Variants in CRIM1 observed in about 807,000 individuals in gnomAD.
CRIM1 encodes cysteine-rich motor neuron 1 protein.
A neutral mutation model predicts 116.4 loss-of-function variants in CRIM1; 32 were observed. That is an observed-to-expected ratio of 0.27 (90% CI 0.21 to 0.37). The LOEUF (loss-of-function observed/expected upper bound fraction) is 0.37, where lower values mean the gene tolerates loss of function less well. CRIM1 is among the 10% of genes least tolerant of loss of function. CRIM1 has a pLI of 1.00. For missense variants in CRIM1, 1,331 were observed against 1,354.8 expected, an observed-to-expected ratio of 0.98 and a Z score of 0.28; for synonymous variants, 590 against 509.2, an observed-to-expected ratio of 1.16 and a Z score of -2.13.
At chr2:36,400,050 G>T (rs1297622303) in intron 2 of CRIM1, among the ~76,000 whole-genome samples, 1 of 152,134 alleles carries the variant, frequency 6.6e-6, no homozygotes, top group Admixed American at 6.6e-5. Flanking sequence ...AGAGGTAGCC[G>T]GTTGGGTATT....
At chr2:36,546,317 G>A (rs534265120) in intron 15 of CRIM1, among the ~76,000 whole-genome samples, 4 of 152,058 alleles carry the variant, frequency 2.6e-5, no homozygotes, top group Non-Finnish European at 2.9e-5. Context: ...TATTTTAAAA[G>A]AACATAAAGG....
chr2:36,474,163 AG>A (rs1404071422), intron 5 of CRIM1, among the ~76,000 whole-genome samples: 5 of 151,672 alleles, frequency 3.3e-5, no homozygotes, highest in African/African-American at 1.2e-4. Context: ...GTCTGTTCAA[AG>A]GTTTGCCCGT....
At chr2:36,365,387 C>T (rs913324552) in intron 1 of CRIM1, among the ~76,000 whole-genome samples, 3 of 152,146 alleles carry the variant, frequency 2.0e-5, no homozygotes, top group Non-Finnish European at 4.4e-5. Flanking sequence ...TTGGAGACCC[C>T]AAGGATATAG....
intron 5 of CRIM1, among the ~76,000 whole-genome samples, chr2:36,468,846 T>G (rs979978840): frequency 2.0e-5 from 3 of 152,198 alleles, no homozygotes; most frequent in African/African-American, 4.8e-5. Context: ...ATTATTTGGT[T>G]TCTTAGATAC....
At chr2:36,453,750 G>A (rs191151888) in intron 4 of CRIM1, among the ~76,000 whole-genome samples, 33 of 152,338 alleles carry the variant, frequency 2.2e-4, no homozygotes, top group African/African-American at 7.5e-4. Context: ...TGCTTTGGTA[G>A]TAGAAGTGTG....
At chr2:36,483,529 C>G (rs996337417) in intron 7 of CRIM1, among the ~76,000 whole-genome samples, 4 of 152,134 alleles carry the variant, frequency 2.6e-5, no homozygotes, top group African/African-American at 9.7e-5. Context: ...GTAATTTGCC[C>G]AGGGTCATAC....
chr2:36,476,895 A>G lies in CRIM1; in HGVS notation c.998A>G (p.Lys333Arg). 1 of 1,611,282 alleles carries G rather than the reference A, an allele frequency of 6.2e-7. No homozygotes were observed. The highest frequency in any genetic ancestry group is 2.2e-5 in the East Asian group (1 of 44,742). ...TTGTTTTAACTCTTTTCAGATACAA[A>G]GCCAGCCTGCGTATTTAACAATGTG... The part of the protein sequence containing the change: ...CDVFECVNDT[K>R]PACVFNNVEY... Residue 333 changes from lysine (K) to arginine (R), a missense_variant, in exon 6 of 17, where the codon AAG becomes AGG. Around this residue, in one of 3 missense-constraint regions of CRIM1, gnomAD observed 690 missense variants for 676.0 expected, o/e 1.02. Coordinates refer to ENST00000280527, the MANE Select transcript of CRIM1 (RefSeq NM_016441.3).
chr2:36,364,798 T>TTA (rs959360978), intron 1 of CRIM1, among the ~76,000 whole-genome samples: 11 of 152,310 alleles, frequency 7.2e-5, no homozygotes, highest in African/African-American at 2.6e-4. Flanking sequence ...GATTAGAGAT[T>TTA]TATATATATG....
In CRIM1 at chr2:36,535,111, AGGAGGGAG is replaced by A. The variant is rs141920970; in HGVS notation, c.2429-2225_2429-2218del. ...AAAGAAGGAATGAAGGAGAGAGGGA[AGGAGGGAG>A]GGAGGGAGGGAGGGAAGGGGAAGGA... On this transcript the variant is annotated intron_variant, in intron 13 of 16. Coordinates refer to ENST00000280527, the MANE Select transcript of CRIM1 (RefSeq NM_016441.3). Among the ~76,000 whole-genome samples the A allele has an allele frequency of 5.5e-3, 603 of 108,668 alleles. 5 individuals carry two copies. Among genetic ancestry groups the A allele is most frequent in the African/African-American group, 0.021 (582 of 27,368 alleles). The allele number at this position is 108,668 out of a possible 152,430, so 71.3% of individuals were successfully genotyped here.
intron 1 of CRIM1, among the ~76,000 whole-genome samples, chr2:36,360,677 T>A (rs1361833555): frequency 6.6e-6 from 1 of 152,166 alleles, no homozygotes. Context: ...ATGCGGGATC[T>A]GCTCCAGAAA....
intron 2 of CRIM1, among the ~76,000 whole-genome samples, chr2:36,436,313 A>G (rs1328503003): frequency 2.0e-5 from 3 of 152,196 alleles, no homozygotes; most frequent in Non-Finnish European, 2.9e-5. Flanking sequence ...TAGGGATTCT[A>G]GATAATTTAT....
At chr2:36,528,824 T>G (rs1416191454) in intron 13 of CRIM1, among the ~76,000 whole-genome samples, 1 of 152,228 alleles carries the variant, frequency 6.6e-6, no homozygotes, top group Non-Finnish European at 1.5e-5. Context: ...GGAACTGGTC[T>G]AAAGTTATCA....
At chr2:36,539,159 G>A (rs1666765594) in intron 14 of CRIM1, among the ~76,000 whole-genome samples, 1 of 152,082 alleles carries the variant, frequency 6.6e-6, no homozygotes, top group African/African-American at 2.4e-5. Context: ...GAGAAGTGGG[G>A]CAGGCAGGTT....
chr2:36,409,840 A>G (rs1673079268), intron 2 of CRIM1, among the ~76,000 whole-genome samples: 1 of 152,230 alleles, frequency 6.6e-6, no homozygotes, highest in South Asian at 2.1e-4. Flanking sequence ...AAGCATTCTA[A>G]TAATAAAATT....
Position 36,547,111 on chromosome 2 carries a change from A to G in CRIM1, c.2874A>G (p.Leu958=), listed in dbSNP as rs1002940134. The G allele has an allele frequency of 1.1e-5, 17 of 1,612,914 alleles. No homozygotes were observed. The highest frequency in any genetic ancestry group is 8.3e-5 in the Admixed American group (5 of 59,946). ...GCCTCTCTATTATAATAGCATTCCT[A>G]TTCATCAATCAGAAGAAACAGTGGA... The part of the protein sequence containing the change: ...IICLSIIIAF[L]FINQKKQWIP... The change falls in exon 16 of 17, where the codon CTA becomes CTG. Residue 958 remains leucine (L), a synonymous_variant. Transcript: ENST00000280527.
In CRIM1 at chr2:36,385,624, CG is replaced by C. The variant is rs1671116374; in HGVS notation, c.332-10988del. ...AGTCTCCAGGCCGTATTACTGGAGACGGACCTCACCAGAGTGAGATGGGAGA... is the reference window on the plus strand; with the variant it reads ...AGTCTCCAGGCCGTATTACTGGAGACGACCTCACCAGAGTGAGATGGGAGA... On this transcript the variant is annotated intron_variant, in intron 1 of 16. Transcript: ENST00000280527. Among the ~76,000 whole-genome samples the C allele has an allele frequency of 2.0e-5, 3 of 152,092 alleles. 1 individual carries two copies. The highest frequency in any genetic ancestry group is 2.0e-4 in the Admixed American group (3 of 15,264).
intron 4 of CRIM1, among the ~76,000 whole-genome samples, chr2:36,444,803 C>G (rs535574455): frequency 1.3e-5 from 2 of 152,304 alleles, no homozygotes; most frequent in East Asian, 3.9e-4. Context: ...TTTGCAGTTG[C>G]CACTACCTCT....
chr2:36,548,262 C>G (rs1035150137), intron 16 of CRIM1, among the ~76,000 whole-genome samples: 3 of 141,460 alleles, frequency 2.1e-5, no homozygotes, highest in Non-Finnish European at 4.6e-5. Context: ...AATCATTTCA[C>G]CAGTCTTTTT....
At chr2:36,485,756 G>C (rs1679769753) in intron 7 of CRIM1, among the ~76,000 whole-genome samples, 1 of 152,182 alleles carries the variant, frequency 6.6e-6, no homozygotes, top group Non-Finnish European at 1.5e-5. Flanking sequence ...GTACATAACA[G>C]GGATCAAAAC....
Sources: allele counts gnomAD v4.1 joint callset (sites outside exome capture counted in the v4.1 genomes callset), GRCh38; gene constraint gnomAD v4.1.1; regional missense constraint gnomAD v4.1.1; transcripts MANE v1.5; gene names NCBI Gene and HGNC (gene_info 2026-07-23, HGNC 2026-07-21).